SKA3: variants seen among roughly 807,000 people sequenced by gnomAD.
The protein encoded by SKA3 is spindle and kinetochore associated complex subunit 3.
SKA3 carries 39 observed loss-of-function variants against 44.2 expected under a neutral mutation model. That is an observed-to-expected ratio of 0.88 (90% CI 0.68 to 1.15). SKA3 has a LOEUF of 1.15. SKA3 is among the 50% of genes most tolerant of loss of function. The probability of loss-of-function intolerance (pLI) is 0.00; values close to 1 mark genes in which losing one functional copy is unlikely to be tolerated. For synonymous variants in SKA3, 192 were observed against 172.0 expected, an observed-to-expected ratio of 1.12 and a Z score of -0.91; for missense variants, 511 against 485.8, an observed-to-expected ratio of 1.05 and a Z score of -0.49.
chr13:21,160,896 G>C (rs1870401717), intron 5 of SKA3, among the ~76,000 whole-genome samples: 3 of 152,126 alleles, frequency 2.0e-5, no homozygotes. Flanking sequence ...GGCCAAGGTG[G>C]GCAGATCGCT....
intron 2 of SKA3, 44 bp downstream of exon 2, chr13:21,172,576 A>G (rs758831030): frequency 6.0e-5 from 91 of 1,527,210 alleles, no homozygotes; most frequent in African/African-American, 9.8e-5. Flanking sequence ...TAAAAAAATT[A>G]CTCGCCACAG....
Position 21,155,080 on chromosome 13 carries a change from T to C in SKA3, c.*70A>G. 6.2e-7 allele frequency: 1 copy of C among 1,604,884 alleles called. No individual in the cohort carries two copies. Among genetic ancestry groups the C allele is most frequent in the Non-Finnish European group, 8.5e-7 (1 of 1,174,388 alleles). ...GGACAGAGGCAGGGCAATGTGAATG[T>C]TAAAATCGGTCCAGCTCGGCTTTCA... On this transcript the variant is annotated 3_prime_UTR_variant, in exon 9 of 9. Transcript: ENST00000314759.
In SKA3 at chr13:21,174,913, A is replaced by G. The variant is rs1457722246; in HGVS notation, c.103+1462T>C. 2.4e-5 allele frequency among the ~76,000 whole-genome samples: 3 copies of G among 122,986 alleles called. No individual in the cohort carries two copies. In the East Asian group the frequency reaches 7.2e-4, roughly 30 times the overall value. 80.7% of individuals were successfully genotyped at this position (122,986 alleles called of 152,430 possible). A position where few individuals can be genotyped will look rare whatever the true frequency, so the allele number is the denominator to read the frequency against. ...TTAATTTGCATTTCCTTGATGACTAATGAAATTTGCATTTCCTTGATGACT... is the reference window on the plus strand; with the variant it reads ...TTAATTTGCATTTCCTTGATGACTAGTGAAATTTGCATTTCCTTGATGACT... On this transcript the variant is annotated intron_variant, in intron 1 of 8. Coordinates refer to ENST00000314759, the MANE Select transcript of SKA3 (RefSeq NM_145061.6).
At chr13:21,163,477 A>G (rs900246536) in intron 4 of SKA3, among the ~76,000 whole-genome samples, 12 of 152,186 alleles carry the variant, frequency 7.9e-5, no homozygotes, top group Non-Finnish European at 1.5e-4. Flanking sequence ...AAAGGCTTTT[A>G]TATACACTGA....
Position 21,155,805 on chromosome 13 carries a change from A to T in SKA3, c.1126T>A (p.Ser376Thr). 6.8e-7 allele frequency: 1 copy of T among 1,473,558 alleles called. No individual in the cohort carries two copies. The highest frequency in any genetic ancestry group is 9.2e-7 in the Non-Finnish European group (1 of 1,088,644). 91.3% of individuals were successfully genotyped at this position (1,473,558 alleles called of 1,614,324 possible). ...KIPEDILQLL[S>T]KYNSNLATPI... ...GTAGCTAGGTTTGAGTTGTATTTTG[A>T]TAAAAGCTAAAAAAAAAAAAGGAAA... The change falls in exon 8 of 9, where the codon TCA (serine) becomes ACA (threonine). Residue 376 changes from serine (S) to threonine (T), a missense_variant. Coordinates refer to ENST00000314759, the MANE Select transcript of SKA3 (RefSeq NM_145061.6).
intron 8 of SKA3, 125 bp from the exon 9 acceptor site, chr13:21,155,275 T>C: frequency 2.8e-6 from 2 of 718,810 alleles, no homozygotes; most frequent in Non-Finnish European, 2.2e-6. Context: ...CCCACTGATA[T>C]CATTAAACTG....
chr13:21,158,230 C>T (rs1043602252), intron 6 of SKA3, 105 bp from the exon 7 acceptor site: 2 of 572,532 alleles, frequency 3.5e-6, no homozygotes, highest in Non-Finnish European at 5.5e-6. Context: ...AATAGGCTCC[C>T]ATATGCCCCA....
At chr13:21,171,285 G>T (rs779157670) in intron 3 of SKA3, among the ~76,000 whole-genome samples, 43 of 152,132 alleles carry the variant, frequency 2.8e-4, no homozygotes, top group Non-Finnish European at 5.9e-4. Context: ...TAACAGAAAT[G>T]AAGACACTGG....
At chr13:21,173,341 T>C (rs1053928861) in intron 1 of SKA3, among the ~76,000 whole-genome samples, 1 of 152,126 alleles carries the variant, frequency 6.6e-6, no homozygotes, top group Non-Finnish European at 1.5e-5. Context: ...ACTGCAACCT[T>C]CACCTCCCGG....
intron 1 of SKA3, 151 bp downstream of exon 1, chr13:21,176,224 G>C (rs959699782): frequency 2.0e-5 from 12 of 609,204 alleles, no homozygotes; most frequent in Non-Finnish European, 3.3e-5. Flanking sequence ...ACGCCGAGCA[G>C]TGAGACGCGC....
intron 4 of SKA3, among the ~76,000 whole-genome samples, chr13:21,166,051 CTT>C (rs1189682027): frequency 3.3e-5 from 5 of 149,942 alleles, no homozygotes; most frequent in Non-Finnish European, 5.9e-5. Flanking sequence ...GAGTTTTGCT[CTT>C]GTTATCTAGG....
At chr13:21,165,629 GC>G (rs1870667574) in intron 4 of SKA3, among the ~76,000 whole-genome samples, 1 of 151,892 alleles carries the variant, frequency 6.6e-6, no homozygotes, top group Admixed American at 6.6e-5. Context: ...CATTACACTG[GC>G]CAGAACATCA....
At chr13:21,171,066 T>TC (rs1275579351) in intron 3 of SKA3, among the ~76,000 whole-genome samples, 1 of 152,138 alleles carries the variant, frequency 6.6e-6, no homozygotes, top group African/African-American at 2.4e-5. Context: ...TAGCTGTGAC[T>TC]CCAAGTGTGC....
chr13:21,157,837 G>A, intron 7 of SKA3, 85 bp downstream of exon 7: 1 of 961,974 alleles, frequency 1.0e-6, no homozygotes, highest in South Asian at 1.6e-5. Flanking sequence ...AAATAAGACA[G>A]TTTATATGCA....
intron 4 of SKA3, among the ~76,000 whole-genome samples, chr13:21,165,115 A>AT (rs562043800): frequency 2.0e-5 from 3 of 151,742 alleles, no homozygotes; most frequent in Non-Finnish European, 4.4e-5. Context: ...AGATGACTTG[A>AT]TTTTTTTTCC....
rs771113417 is a variant in SKA3 at position 21,168,309 on chromosome 13, G to T, written c.422C>A (p.Pro141His). ...KTDVKDDLSD[P>H]PVASSCISEK... ...AGAAATACAACTGCTTGCAACAGGA[G>T]GATCAGACAGATCATCTTTCACATC... The change falls in exon 4 of 9, where the codon CCT (proline) becomes CAT (histidine). Residue 141 changes from proline to histidine, a missense_variant. Physicochemically the swap from Pro to His is moderately conservative, Grantham distance 77 (BLOSUM62 -2). Coordinates refer to ENST00000314759, the MANE Select transcript of SKA3 (RefSeq NM_145061.6). 1.4e-5 allele frequency: 23 copies of T among 1,614,002 alleles called. No individual in the cohort carries two copies. The highest frequency in any genetic ancestry group is 1.9e-5 in the Non-Finnish European group (23 of 1,180,038).
At chr13:21,176,266 C>A in intron 1 of SKA3, 109 bp downstream of exon 1, 1 of 874,794 alleles carries the variant, frequency 1.1e-6, no homozygotes, top group South Asian at 2.1e-5. Context: ...TGGCAGCCGT[C>A]CACGCCGTCA....
chr13:21,173,058 C>T (rs1474407068), intron 1 of SKA3, among the ~76,000 whole-genome samples: 4 of 152,100 alleles, frequency 2.6e-5, no homozygotes, highest in African/African-American at 9.7e-5. Context: ...GAATGTATCC[C>T]CATTAAGTAA....
In SKA3 at chr13:21,154,143, A is replaced by C. The variant is rs1869959742; in HGVS notation, c.*1007T>G. On this transcript the variant is annotated 3_prime_UTR_variant, in exon 9 of 9. Coordinates refer to ENST00000314759, the MANE Select transcript of SKA3 (RefSeq NM_145061.6). ...CGCCTTTGAAGTAAGTTGACATAATACTTGTTGTTTCTTCTCAAATTTTTA... is the reference window on the plus strand; with the variant it reads ...CGCCTTTGAAGTAAGTTGACATAATCCTTGTTGTTTCTTCTCAAATTTTTA... The C allele has an allele frequency of 6.6e-6, 1 of 152,184 alleles. No individual in the cohort carries two copies. The highest frequency in any genetic ancestry group is 2.4e-5 in the African/African-American group (1 of 41,428). 9.4% of individuals were successfully genotyped at this position (152,184 alleles called of 1,614,324 possible).
Sources: allele counts gnomAD v4.1 joint callset (sites outside exome capture counted in the v4.1 genomes callset), GRCh38; gene constraint gnomAD v4.1.1; transcripts MANE v1.5; gene names NCBI Gene and HGNC (gene_info 2026-07-23, HGNC 2026-07-21).